The following RNF115 variants were observed in gnomAD, a reference collection of about 807,000 sequenced individuals.
RNF115 encodes E3 ubiquitin-protein ligase RNF115.
A neutral mutation model predicts 39.2 loss-of-function variants in RNF115; 31 were observed. The observed-to-expected ratio is 0.79, with a 90% CI of 0.59 to 1.07. The LOEUF is 1.07. Ranked by LOEUF, RNF115 falls within the 50% of genes least tolerant of loss-of-function variation. The pLI, the probability that RNF115 is intolerant of heterozygous loss-of-function variation, is 0.00. For missense variants in RNF115, 384 were observed against 381.7 expected (o/e 1.01, Z -0.05); for synonymous variants, 124 against 131.0 (o/e 0.95, Z 0.37).
chr1:145,770,742 T>TAA (rs2101529469), intron 4 of RNF115, among the ~76,000 whole-genome samples: 2 of 152,298 alleles, frequency 1.3e-5, no homozygotes, highest in African/African-American at 4.8e-5. Context: ...ATAAAGCAGA[T>TAA]AAAGCATGAA....
At chr1:145,802,652 G>A (rs1418515869) in intron 1 of RNF115, among the ~76,000 whole-genome samples, 4 of 152,082 alleles carry the variant, frequency 2.6e-5, no homozygotes, top group Non-Finnish European at 5.9e-5. Context: ...ATCTAAAACA[G>A]AAGTTCCAAT....
chr1:145,815,516 G>A (rs1402146039), intron 1 of RNF115, among the ~76,000 whole-genome samples: 2 of 152,252 alleles, frequency 1.3e-5, no homozygotes, highest in African/African-American at 2.4e-5. Flanking sequence ...GATTTAATGG[G>A]GAAAGACGGA....
At chr1:145,793,352 G>C (rs1461870214) in intron 1 of RNF115, among the ~76,000 whole-genome samples, 1 of 152,148 alleles carries the variant, frequency 6.6e-6, no homozygotes, top group African/African-American at 2.4e-5. Flanking sequence ...AAATATATGA[G>C]TTTATCTGAA....
At chr1:145,758,708 C>T (rs1394623397) in intron 4 of RNF115, among the ~76,000 whole-genome samples, 5 of 152,108 alleles carry the variant, frequency 3.3e-5, no homozygotes, top group Non-Finnish European at 4.4e-5. Context: ...CTTGGAATTA[C>T]GAGGGACAAC....
At chr1:145,802,162 A>G (rs1395528801) in intron 1 of RNF115, among the ~76,000 whole-genome samples, 4 of 152,182 alleles carry the variant, frequency 2.6e-5, no homozygotes, top group Non-Finnish European at 4.4e-5. Context: ...GAATCACTGG[A>G]AACAGGAACC....
At chr1:145,791,011 G>A (rs141565049) in intron 1 of RNF115, among the ~76,000 whole-genome samples, 212 of 151,776 alleles carry the variant, frequency 1.4e-3, no homozygotes, top group African/African-American at 5.0e-3. Context: ...GTGTGGTGGC[G>A]TGTGCCTGTA....
chr1:145,785,395 AC>A (rs1648335380), intron 2 of RNF115, among the ~76,000 whole-genome samples: 1 of 152,200 alleles, frequency 6.6e-6, no homozygotes, highest in African/African-American at 2.4e-5. Context: ...CTATATTGAC[AC>A]TCAAAAGTTG....
In RNF115 at chr1:145,746,762, T is replaced by C; in HGVS notation, c.*104A>G. 8.9e-7 allele frequency: 1 copy of C among 1,120,816 alleles called. No individual in the cohort carries two copies. The highest frequency in any genetic ancestry group is 2.4e-5 in the East Asian group (1 of 41,128). The allele number at this position is 1,120,816 out of a possible 1,614,324, so 69.4% of individuals were successfully genotyped here. On this transcript the variant is annotated 3_prime_UTR_variant, in exon 9 of 9. Coordinates refer to ENST00000582693, the MANE Select transcript of RNF115 (RefSeq NM_014455.4). The stretch of plus-strand genomic sequence containing the variant: ...ATTGCATTTATATTATGTGTTGAGT[T>C]TCTTACATATTCCTAAATCCATCTA...
intron 1 of RNF115, among the ~76,000 whole-genome samples, chr1:145,801,475 G>GA (rs1649241010): frequency 2.0e-5 from 3 of 152,076 alleles, no homozygotes; most frequent in Non-Finnish European, 4.4e-5. Context: ...TGAGGCAGGA[G>GA]AATTGCTTGA....
intron 1 of RNF115, among the ~76,000 whole-genome samples, chr1:145,796,576 G>C (rs587651206): frequency 6.6e-6 from 1 of 152,036 alleles, no homozygotes; most frequent in Non-Finnish European, 1.5e-5. Flanking sequence ...TTGTAGACAT[G>C]AGGCTTCACC....
intron 1 of RNF115, among the ~76,000 whole-genome samples, chr1:145,806,837 T>C (rs1649486668): frequency 6.6e-6 from 1 of 152,194 alleles, no homozygotes; most frequent in African/African-American, 2.4e-5. Context: ...ACAGAGTCTT[T>C]TTCTGTCGCC....
At chr1:145,765,164 G>A (rs1227795491) in intron 4 of RNF115, among the ~76,000 whole-genome samples, 1 of 152,164 alleles carries the variant, frequency 6.6e-6, no homozygotes, top group Non-Finnish European at 1.5e-5. Flanking sequence ...TCCACTCAGG[G>A]TTAAATGGAT....
intron 1 of RNF115, among the ~76,000 whole-genome samples, chr1:145,804,827 G>A (rs1649396443): frequency 6.6e-6 from 1 of 152,104 alleles, no homozygotes; most frequent in Non-Finnish European, 1.5e-5. Context: ...TGTCATAAAA[G>A]GGGAAGTGGA....
chr1:145,822,646 T>C lies in RNF115; in HGVS notation c.102+1126A>G, dbSNP rs587607784. On this transcript the variant is annotated intron_variant, in intron 1 of 8. Transcript: ENST00000582693. ...AGGAAAGGAACAACCATAAAGACAGTTGGCCAAGGACAGGATTGACATTCA... is the reference window on the plus strand; with the variant it reads ...AGGAAAGGAACAACCATAAAGACAGCTGGCCAAGGACAGGATTGACATTCA... Among the ~76,000 whole-genome samples, 147 of 151,174 alleles carry C rather than the reference T, an allele frequency of 9.7e-4. 2 individuals are homozygous for C. Among genetic ancestry groups the C allele is most frequent in the African/African-American group, 3.5e-3 (142 of 40,618 alleles).
At chr1:145,778,269 C>G (rs879957114) in intron 3 of RNF115, among the ~76,000 whole-genome samples, 3 of 152,104 alleles carry the variant, frequency 2.0e-5, no homozygotes, top group Non-Finnish European at 4.4e-5. Flanking sequence ...TAACAAATAT[C>G]CTATATAGGC....
intron 1 of RNF115, among the ~76,000 whole-genome samples, chr1:145,793,326 T>C (rs1297373846): frequency 2.6e-5 from 4 of 152,120 alleles, no homozygotes; most frequent in Non-Finnish European, 5.9e-5. Context: ...CAAAAAATAA[T>C]AACAATAATA....
intron 4 of RNF115, among the ~76,000 whole-genome samples, chr1:145,763,658 C>T (rs965539802): frequency 5.3e-5 from 8 of 152,130 alleles, no homozygotes; most frequent in Admixed American, 1.3e-4. Context: ...GAGATCACAC[C>T]ACTGCACTGC....
intron 3 of RNF115, among the ~76,000 whole-genome samples, chr1:145,780,381 G>A (rs1237981909): frequency 6.6e-6 from 1 of 152,066 alleles, no homozygotes; most frequent in Non-Finnish European, 1.5e-5. Flanking sequence ...AGCACTTTGG[G>A]AGACCAAGGC....
At chr1:145,764,947 C>T (rs1658709477) in intron 4 of RNF115, among the ~76,000 whole-genome samples, 1 of 152,214 alleles carries the variant, frequency 6.6e-6, no homozygotes, top group Non-Finnish European at 1.5e-5. Flanking sequence ...GAGAACGGGC[C>T]ATGATGACGA....
Sources: allele counts gnomAD v4.1 joint callset (sites outside exome capture counted in the v4.1 genomes callset), GRCh38; gene constraint gnomAD v4.1.1; transcripts MANE v1.5; gene names NCBI Gene and HGNC (gene_info 2026-07-23, HGNC 2026-07-21).